Variants in HDAC5 observed in about 807,000 individuals in gnomAD.
HDAC5 encodes histone deacetylase 5.
In HDAC5, 25 loss-of-function variants were observed where a neutral mutation model predicts 133.3. The observed-to-expected ratio is 0.19, with a 90% CI of 0.14 to 0.26. The LOEUF (loss-of-function observed/expected upper bound fraction) is 0.26. Among genes scored for constraint, HDAC5 ranks in the 10% least tolerant of loss-of-function variants. The pLI, the probability that HDAC5 is intolerant of heterozygous loss-of-function variation, is 1.00. For synonymous variants in HDAC5, 589 were observed against 610.8 expected, an observed-to-expected ratio of 0.96 and a Z score of 0.53; for missense variants, 1,041 against 1,460.5, an observed-to-expected ratio of 0.71 and a Z score of 4.68.
At chr17:44,118,373 T>C (rs1347872625) in intron 1 of HDAC5, among the ~76,000 whole-genome samples, 1 of 152,154 alleles carries the variant, frequency 6.6e-6, no homozygotes, top group Non-Finnish European at 1.5e-5. Flanking sequence ...ATTGTACAGG[T>C]TGTGCTCTGT....
Position 44,086,612 on chromosome 17 carries a change from C to A in HDAC5, c.2010G>T (p.Lys670Asn). ...GCTTGACGGGCTGGTCTGGGGGGCT[C>A]TTCATGCCCCCAGGGGCAGCAGGGG... ...QSSPAAPGGMKSPPDQPVKHL... is the reference protein window; with the variant it reads ...QSSPAAPGGMNSPPDQPVKHL... Residue 670 changes from lysine (K) to asparagine (N), a missense_variant, in exon 14 of 27, where the codon AAG becomes AAT. Lys to Asn is a moderately conservative substitution (Grantham distance 94, BLOSUM62 0). Coordinates refer to ENST00000682912, the MANE Select transcript of HDAC5 (RefSeq NM_005474.5). 1.5e-6 allele frequency: 2 copies of A among 1,303,912 alleles called. No homozygotes were observed. Among genetic ancestry groups the A allele is most frequent in the Non-Finnish European group, 2.0e-6 (2 of 1,018,444 alleles). 80.8% of individuals were successfully genotyped at this position (1,303,912 alleles called of 1,614,324 possible). A position where few individuals can be genotyped will look rare whatever the true frequency, so the allele number is the denominator to read the frequency against.
At chr17:44,081,251 TTTC>T (rs2050374685) in intron 20 of HDAC5, among the ~76,000 whole-genome samples, 1 of 150,602 alleles carries the variant, frequency 6.6e-6, no homozygotes, top group African/African-American at 2.5e-5. Flanking sequence ...GATGAGATTC[TTTC>T]TTTTTTTTTT....
In HDAC5 at chr17:44,077,525, C is replaced by T. The variant is rs1264539362; in HGVS notation, c.*851G>A. 6.6e-6 allele frequency: 1 copy of T among 152,270 alleles called. No individual in the cohort carries two copies. Among genetic ancestry groups the T allele is most frequent in the East Asian group, 1.9e-4 (1 of 5,200 alleles). 9.4% of individuals were successfully genotyped at this position (152,270 alleles called of 1,614,324 possible). On this transcript the variant is annotated 3_prime_UTR_variant, in exon 27 of 27. Transcript: ENST00000682912. ...GTCCTGACAGCAGGGGGGCTCTCAC[C>T]AGCCTGGAGCCCCTCTGCAGGGACC...
In HDAC5 at chr17:44,080,240, CT is replaced by C. The variant is rs777277330; in HGVS notation, c.2826-16del. The C allele has an allele frequency of 6.2e-7, 1 of 1,608,788 alleles. No individual in the cohort carries two copies. The highest frequency in any genetic ancestry group is 8.5e-7 in the Non-Finnish European group (1 of 1,175,206). ...TCACCACTGTCCTGCAAAGGGATGG[CT>C]CAAGCTGAGCCCGGCAGATGACCAG... On this transcript the variant is annotated splice_polypyrimidine_tract_variant and intron_variant, in intron 22 of 26. Transcript: ENST00000682912.
chr17:44,113,380 G>C (rs1378505039), intron 2 of HDAC5, among the ~76,000 whole-genome samples: 1 of 152,182 alleles, frequency 6.6e-6, no homozygotes, highest in Non-Finnish European at 1.5e-5. Context: ...CAACAAGTAG[G>C]AAGCAAAGTA....
rs921207386 is a variant in HDAC5, at chr17:44,103,383, G to C, written c.94+7346C>G. Among the ~76,000 whole-genome samples the C allele has an allele frequency of 3.3e-5, 5 of 152,326 alleles. 1 individual carries two copies. Among genetic ancestry groups the C allele is most frequent in the Admixed American group, 3.3e-4 (5 of 15,294 alleles). Reference sequence around the variant, plus strand: ...TTTCACAATTCCTTAAGTAACACAAGTGAACACACATCACGTAGTGGTTGA... The same window carrying C: ...TTTCACAATTCCTTAAGTAACACAACTGAACACACATCACGTAGTGGTTGA... On this transcript the variant is annotated intron_variant, in intron 3 of 26. Coordinates refer to ENST00000682912, the MANE Select transcript of HDAC5 (RefSeq NM_005474.5).
At position 44,117,630 on chromosome 17, in the gene HDAC5, G is replaced by C. The variant is rs573104728; in HGVS notation, c.-115C>G. On this transcript the variant is annotated 5_prime_UTR_variant, in exon 2 of 27. Coordinates refer to ENST00000682912, the MANE Select transcript of HDAC5 (RefSeq NM_005474.5). The surrounding 1 kb of genome is among the most constrained non-coding windows in gnomAD (Gnocchi z 4.2). ...AGACAGACGGACGGGACGGGAGCCC[G>C]GGGCCGCCGTGCCTCTAATGCCCAT... 1 of 1,280,354 alleles carries C rather than the reference G, an allele frequency of 7.8e-7. No individual in the cohort carries two copies. Among genetic ancestry groups the C allele is most frequent in the South Asian group, 1.2e-5 (1 of 83,800 alleles). 79.3% of individuals were successfully genotyped at this position (1,280,354 alleles called of 1,614,324 possible).
At position 44,087,301 on chromosome 17, in the gene HDAC5, T is replaced by C. The variant is rs1461371294; in HGVS notation, c.1884+111A>G. 4.5e-6 allele frequency: 3 copies of C among 668,096 alleles called. No homozygotes were observed. In the African/African-American group the frequency reaches 5.4e-5, roughly 12 times the overall value. The allele number at this position is 668,096 out of a possible 1,614,324, so 41.4% of individuals were successfully genotyped here. A position where few individuals can be genotyped will look rare whatever the true frequency, so the allele number is the denominator to read the frequency against. On this transcript the variant is annotated intron_variant, in intron 13 of 26. Coordinates refer to ENST00000682912, the MANE Select transcript of HDAC5 (RefSeq NM_005474.5). ...TTTGCTCTCTACAGAAAGCTGCTCC[T>C]GCACAGCCTGGAAACTGCAGATGGG...
chr17:44,085,831 G>A (rs73308503), intron 14 of HDAC5, among the ~76,000 whole-genome samples: 1,729 of 151,622 alleles, frequency 0.011, 33 homozygotes, highest in African/African-American at 0.039. Flanking sequence ...TTAAAGAGAC[G>A]GGGTCTCACT....
At chr17:44,083,239 G>C (rs930465224) in intron 18 of HDAC5, among the ~76,000 whole-genome samples, 2 of 152,170 alleles carry the variant, frequency 1.3e-5, no homozygotes, top group African/African-American at 4.8e-5. Context: ...CCAAAGTGTT[G>C]AGATTACAGG....
intron 3 of HDAC5, among the ~76,000 whole-genome samples, chr17:44,103,475 C>A (rs2051742694): frequency 6.6e-6 from 1 of 152,182 alleles, no homozygotes; most frequent in African/African-American, 2.4e-5. Context: ...TAGGGCAAGA[C>A]ACAGGGCACC....
At position 44,086,886 on chromosome 17, in the gene HDAC5, G is replaced by T. The variant is rs2050678247; in HGVS notation, c.1885-149C>A. The T allele has an allele frequency of 6.9e-6, 3 of 437,056 alleles. No homozygotes were observed. In the Admixed American group the frequency reaches 1.4e-4, roughly 20 times the overall value. 27.1% of individuals were successfully genotyped at this position (437,056 alleles called of 1,614,324 possible). On this transcript the variant is annotated intron_variant, in intron 13 of 26. Transcript: ENST00000682912. ...CCTCCTCCCACTTGCTCCCTCCAGGGACAGGAGACACATCTCCTCTGAGAT... is the reference window on the plus strand; with the variant it reads ...CCTCCTCCCACTTGCTCCCTCCAGGTACAGGAGACACATCTCCTCTGAGAT...
chr17:44,101,494 G>A (rs140740300), intron 3 of HDAC5, among the ~76,000 whole-genome samples: 42 of 151,964 alleles, frequency 2.8e-4, no homozygotes, highest in African/African-American at 8.2e-4. Flanking sequence ...CCCAAGGGGC[G>A]TAGAGTACAA....
At chr17:44,083,781 C>T (rs779767670) in intron 17 of HDAC5, 24 bp downstream of exon 17, 4 of 1,590,364 alleles carry the variant, frequency 2.5e-6, no homozygotes, top group Admixed American at 3.3e-5. Flanking sequence ...CCCGCCCACC[C>T]CCACTGCTGT....
chr17:44,089,860 G>T lies in HDAC5; in HGVS notation c.1388-1262C>A, dbSNP rs1004848796. 3.3e-5 allele frequency among the ~76,000 whole-genome samples: 5 copies of T among 150,116 alleles called. No homozygotes were observed. The Admixed American group carries it at 3.3e-4, about 10-fold the overall frequency. The stretch of plus-strand genomic sequence containing the variant: ...AACCGCTTGAAGCTTGAACCCAGGA[G>T]GTGGAGGGTGCAGTGAGCAGAGATC... On this transcript the variant is annotated intron_variant, in intron 11 of 26. Transcript: ENST00000682912.
Position 44,078,779 on chromosome 17 carries a change from AC to A in HDAC5, c.3163+15del, listed in dbSNP as rs748919893. 2.4e-5 allele frequency: 38 copies of A among 1,613,510 alleles called. No individual in the cohort carries two copies. The South Asian group carries it at 4.1e-4, about 17-fold the overall frequency. Reference sequence around the variant, plus strand: ...CCCCCTTGGCAGCCTGAGCCCCTCTACGTGTCCTCACGCACTCTGGATCTCG... The same window carrying A: ...CCCCCTTGGCAGCCTGAGCCCCTCTAGTGTCCTCACGCACTCTGGATCTCG... On this transcript the variant is annotated intron_variant, in intron 25 of 26. Coordinates refer to ENST00000682912, the MANE Select transcript of HDAC5 (RefSeq NM_005474.5).
At chr17:44,082,933 G>T in intron 18 of HDAC5, 113 bp from the exon 19 acceptor site, 1 of 895,500 alleles carries the variant, frequency 1.1e-6, no homozygotes, top group Non-Finnish European at 1.8e-6. Flanking sequence ...AACCAGAAAA[G>T]CAGATCCATA....
intron 6 of HDAC5, 69 bp downstream of exon 6, chr17:44,093,023 G>A: frequency 8.7e-7 from 1 of 1,145,354 alleles, no homozygotes; most frequent in Non-Finnish European, 1.2e-6. Context: ...GAAGCCCCTT[G>A]CCATCCTATA....
chr17:44,089,192 T>G (rs2050810090), intron 11 of HDAC5, among the ~76,000 whole-genome samples: 1 of 152,206 alleles, frequency 6.6e-6, no homozygotes, highest in Non-Finnish European at 1.5e-5. Context: ...TCAAAGAGTA[T>G]GAAACAAAAA....
Sources: gnomAD v4.1 joint callset for allele counts (sites outside exome capture counted in the v4.1 genomes callset) on GRCh38, gnomAD v4.1.1 for gene constraint, Gnocchi (gnomAD v3.1) non-coding constraint, MANE v1.5 for transcripts, NCBI Gene and HGNC (gene_info 2026-07-23, HGNC 2026-07-21) for gene names.